The following NAALADL2 variants were observed in gnomAD, a reference collection of about 807,000 sequenced individuals.
The protein encoded by NAALADL2 is inactive N-acetylated-alpha-linked acidic dipeptidase-like protein 2.
Under a neutral mutation model 87.2 loss-of-function variants are expected in NAALADL2, and 76 were observed. The observed-to-expected ratio is 0.87, with a 90% CI of 0.72 to 1.05. NAALADL2 has a LOEUF of 1.05. Ranked by LOEUF, NAALADL2 falls within the 50% of genes least tolerant of loss-of-function variation. NAALADL2 has a pLI of 0.00. For missense variants in NAALADL2, 1,089 were observed against 945.8 expected (o/e 1.15, Z -1.99); for synonymous variants, 354 against 331.0 (o/e 1.07, Z -0.75).
intron 2 of NAALADL2, among the ~76,000 whole-genome samples, chr3:174,724,635 A>G (rs1329268423): frequency 6.6e-6 from 1 of 152,166 alleles, no homozygotes; most frequent in Non-Finnish European, 1.5e-5. Context: ...CTTTTATATT[A>G]GATTTATTTA....
intron 9 of NAALADL2, among the ~76,000 whole-genome samples, chr3:175,523,189 T>C (rs1435842807): frequency 6.6e-6 from 1 of 152,208 alleles, no homozygotes; most frequent in Non-Finnish European, 1.5e-5. Context: ...TGGAAACATT[T>C]GGCGATTTTA....
chr3:174,765,139 CACACGAGAGAGA>C (rs1332377154), intron 3 of NAALADL2, among the ~76,000 whole-genome samples: 1 of 124,428 alleles, frequency 8.0e-6, no homozygotes, highest in Non-Finnish European at 1.9e-5. Flanking sequence ...CACACACACA[CACACGAGAGAGA>C]GAGAGAGAGA....
intron 2 of NAALADL2, among the ~76,000 whole-genome samples, chr3:174,644,732 G>A (rs974526052): frequency 2.0e-5 from 3 of 152,200 alleles, no homozygotes; most frequent in African/African-American, 7.2e-5. Flanking sequence ...GGATTTAAAA[G>A]ATGATGAGTA....
chr3:175,558,245 A>C (rs73169462), intron 9 of NAALADL2, among the ~76,000 whole-genome samples: 19,415 of 150,510 alleles, frequency 0.13, 1,370 homozygotes, highest in Middle Eastern at 0.18. Context: ...ATGTCTAATC[A>C]GGTCTTTTGC....
chr3:175,740,059 T>C (rs1193640099), intron 12 of NAALADL2, among the ~76,000 whole-genome samples: 1 of 152,078 alleles, frequency 6.6e-6, no homozygotes, highest in Non-Finnish European at 1.5e-5. Context: ...TCTCAGGCGC[T>C]CCTTCCTTTA....
chr3:175,688,975 T>C (rs1736685767), intron 11 of NAALADL2, among the ~76,000 whole-genome samples: 1 of 152,208 alleles, frequency 6.6e-6, no homozygotes, highest in Non-Finnish European at 1.5e-5. Context: ...GTTTTCTCCC[T>C]GAGGCCTGCT....
intron 9 of NAALADL2, among the ~76,000 whole-genome samples, chr3:175,491,550 AT>A (rs1178178796): frequency 3.9e-5 from 6 of 152,178 alleles, no homozygotes; most frequent in Admixed American, 6.6e-5. Context: ...TTCCCGATAT[AT>A]GTTTCTAGTT....
At chr3:175,560,267 T>G (rs1269803835) in intron 9 of NAALADL2, among the ~76,000 whole-genome samples, 1 of 152,172 alleles carries the variant, frequency 6.6e-6, no homozygotes, top group Non-Finnish European at 1.5e-5. Context: ...TCTGTAGTAT[T>G]AGTTATAATG....
At chr3:174,706,293 A>T (rs933907562) in intron 2 of NAALADL2, among the ~76,000 whole-genome samples, 1 of 152,222 alleles carries the variant, frequency 6.6e-6, no homozygotes, top group Admixed American at 6.5e-5. Flanking sequence ...TACCAAACAC[A>T]AAAATTAACT....
intron 13 of NAALADL2, among the ~76,000 whole-genome samples, chr3:175,766,970 G>T (rs546133919): frequency 1.4e-3 from 210 of 152,168 alleles, no homozygotes; most frequent in South Asian, 0.01. Context: ...AAAGGACAGG[G>T]AGCCAATAGG....
intron 2 of NAALADL2, among the ~76,000 whole-genome samples, chr3:174,696,838 T>A (rs78577123): frequency 0.013 from 1,907 of 152,152 alleles, 50 homozygotes; most frequent in African/African-American, 0.044. Context: ...AAAGTTTAAC[T>A]CCTCAACATG....
chr3:174,540,742 AGGGACT>A (rs1722149121), intron 1 of NAALADL2: 1 of 152,214 alleles, frequency 6.6e-6, no homozygotes, highest in South Asian at 2.1e-4. Context: ...GCAGATTTCC[AGGGACT>A]GGGACAAAAG....
At chr3:175,733,554 C>T (rs573466185) in intron 11 of NAALADL2, among the ~76,000 whole-genome samples, 19 of 152,216 alleles carry the variant, frequency 1.2e-4, no homozygotes, top group African/African-American at 4.3e-4. Flanking sequence ...CAGAGCCAAA[C>T]CATATCATTG....
At chr3:175,296,683 G>A (rs553809888) in intron 4 of NAALADL2, among the ~76,000 whole-genome samples, 20 of 152,198 alleles carry the variant, frequency 1.3e-4, no homozygotes, top group African/African-American at 4.8e-4. Context: ...AAACCTTAAT[G>A]TTTATTCTGT....
intron 2 of NAALADL2, among the ~76,000 whole-genome samples, chr3:175,175,905 T>C (rs1392161361): frequency 7.2e-5 from 11 of 152,104 alleles, no homozygotes; most frequent in Admixed American, 7.2e-4. Context: ...GTAATACATA[T>C]TTTCAAATTT....
intron 5 of NAALADL2, among the ~76,000 whole-genome samples, chr3:175,331,130 G>A (rs988930407): frequency 2.6e-5 from 4 of 152,014 alleles, no homozygotes; most frequent in African/African-American, 9.7e-5. Flanking sequence ...CCAATAACAA[G>A]TAATAAAATT....
At chr3:174,934,537 C>T (rs749778837) in intron 1 of NAALADL2, among the ~76,000 whole-genome samples, 25 of 151,940 alleles carry the variant, frequency 1.6e-4, no homozygotes, top group Non-Finnish European at 2.6e-4. Flanking sequence ...ATGTGCCGAG[C>T]GCGGTGGGTC....
Position 175,193,054 on chromosome 3 carries a change from T to G in NAALADL2, c.546-40877T>G, listed in dbSNP as rs554503851. 5.7e-4 allele frequency among the ~76,000 whole-genome samples: 86 copies of G among 152,080 alleles called. 1 individual carries two copies. Among genetic ancestry groups the G allele is most frequent in the African/African-American group, 2.0e-3 (84 of 41,554 alleles). On this transcript the variant is annotated intron_variant, in intron 2 of 13. Coordinates refer to ENST00000454872, the MANE Select transcript of NAALADL2 (RefSeq NM_207015.3). The stretch of plus-strand genomic sequence containing the variant: ...ATTTGAAATGATAAAAGAATACTAC[T>G]CAGATTGTTGATGTTTTGAAAGTCG...
rs1490282734 is a variant in NAALADL2, at chr3:174,859,456, T to C, written c.43+6T>C. The C allele has an allele frequency of 6.2e-7, 1 of 1,607,484 alleles. No homozygotes were observed. The highest frequency in any genetic ancestry group is 1.7e-5 in the Admixed American group (1 of 59,560). On this transcript the variant is annotated splice_donor_region_variant and intron_variant, in intron 1 of 13. Coordinates refer to ENST00000454872, the MANE Select transcript of NAALADL2 (RefSeq NM_207015.3). ...ACCTAACACGTCTTTGCAAGGTAAG[T>C]ACCAACAGCCTATGAACTTTTCACT... is the stretch of plus-strand genomic sequence containing the variant.
Sources: gnomAD v4.1 joint callset for allele counts (sites outside exome capture counted in the v4.1 genomes callset) on GRCh38, gnomAD v4.1.1 for gene constraint, MANE v1.5 for transcripts, NCBI Gene and HGNC (gene_info 2026-07-23, HGNC 2026-07-21) for gene names.